SLC12A3: variants seen among roughly 807,000 people sequenced by gnomAD.
SLC12A3 encodes solute carrier family 12 member 3, also known as Na-Cl cotransporter.
SLC12A3 carries 104 observed loss-of-function variants against 121.0 expected under a neutral mutation model. That is an observed-to-expected ratio of 0.86 (90% confidence interval 0.73 to 1.01). SLC12A3 has a LOEUF of 1.01. Ranked by LOEUF, SLC12A3 falls within the 50% of genes least tolerant of loss-of-function variation. The pLI, the probability that SLC12A3 is intolerant of heterozygous loss-of-function variation, is 0.00. For synonymous variants in SLC12A3, 536 were observed against 533.4 expected (o/e 1.00, Z -0.07); for missense variants, 1,328 against 1,356.3 (o/e 0.98, Z 0.33).
In SLC12A3 at chr16:56,869,781, C is replaced by A. The variant is rs765350579; in HGVS notation, c.558C>A (p.Gly186=). ...CGGTCACGGTGACCTCCATCACAGG[C>A]CTCTCCATCTCAGCCATCTCCACCA... is the stretch of plus-strand genomic sequence containing the variant. ...LLSVTVTSIT[G]LSISAISTNG... is the part of the protein sequence containing the mutation. The change falls in exon 4 of 26, where the codon GGC becomes GGA. Residue 186 remains glycine, a synonymous_variant. Transcript: ENST00000563236. The A allele has an allele frequency of 3.1e-6, 5 of 1,614,146 alleles. No individual in the cohort carries two copies. In the East Asian group the frequency reaches 8.9e-5, roughly 29 times the overall value.
Position 56,911,305 on chromosome 16 carries a change from CCTTTTGTT to C in SLC12A3, c.2925-1958_2925-1951del, listed in dbSNP as rs1482402990. Among the ~76,000 whole-genome samples, 5 of 123,140 alleles carry C rather than the reference CCTTTTGTT, an allele frequency of 4.1e-5. No individual in the cohort carries two copies. In the South Asian group the frequency reaches 1.5e-3, roughly 37 times the overall value. 80.8% of individuals were successfully genotyped at this position (123,140 alleles called of 152,430 possible). A position where few individuals can be genotyped will look rare whatever the true frequency, so the allele number is the denominator to read the frequency against. On this transcript the variant is annotated intron_variant, in intron 25 of 25. Coordinates refer to ENST00000563236, the MANE Select transcript of SLC12A3 (RefSeq NM_001126108.2). ...AACCCACCTTCCCTAATTTTTGAGA[CCTTTTGTT>C]TGTTTGTTTGTTTGTTTGTTTGTTT... is the stretch of plus-strand genomic sequence containing the variant.
intron 12 of SLC12A3, among the ~76,000 whole-genome samples, chr16:56,881,818 G>A (rs1356353106): frequency 2.0e-5 from 3 of 152,060 alleles, no homozygotes; most frequent in Non-Finnish European, 4.4e-5. Flanking sequence ...GGAGGCCGAG[G>A]CAGGTGGATC....
rs746227456 is a variant in SLC12A3, at chr16:56,915,336, G to T, written c.*1931G>T. 1 of 152,226 alleles carries T rather than the reference G, an allele frequency of 6.6e-6. No homozygotes were observed. The highest frequency in any genetic ancestry group is 1.5e-5 in the Non-Finnish European group (1 of 68,040). 9.4% of individuals were successfully genotyped at this position (152,226 alleles called of 1,614,324 possible). On this transcript the variant is annotated 3_prime_UTR_variant, in exon 26 of 26. Transcript: ENST00000563236. ...TAAAGACTTCTAGAATTTAGAAGGA[G>T]ATCTGAAGTCTCCTTTCTGGAGTTA...
rs779473697 is a variant in SLC12A3 at position 56,904,457 on chromosome 16, C to T, written c.2919C>T (p.Ile973=). ...ATTACTCCCGAGACGCTGCTCTCATCGTCATGTAAGTAGTGCCCGGCTGGT... is the reference window on the plus strand; with the variant it reads ...ATTACTCCCGAGACGCTGCTCTCATTGTCATGTAAGTAGTGCCCGGCTGGT... ...VLDYSRDAAL[I]VITLPIGRKG... Residue 973 remains isoleucine, a synonymous_variant, in exon 25 of 26, where the codon ATC becomes ATT. Coordinates refer to ENST00000563236, the MANE Select transcript of SLC12A3 (RefSeq NM_001126108.2). 9.9e-6 allele frequency: 16 copies of T among 1,613,548 alleles called. No homozygotes were observed. The highest frequency in any genetic ancestry group is 1.3e-5 in the Non-Finnish European group (15 of 1,179,648).
chr16:56,898,086 T>C (rs2055489638), intron 22 of SLC12A3, among the ~76,000 whole-genome samples: 1 of 152,100 alleles, frequency 6.6e-6, no homozygotes, highest in Admixed American at 6.5e-5. Flanking sequence ...CTTCCCTCCT[T>C]TTGACTGTTC....
intron 25 of SLC12A3, among the ~76,000 whole-genome samples, chr16:56,909,228 G>A (rs1452293224): frequency 2.6e-5 from 4 of 151,730 alleles, no homozygotes; most frequent in Admixed American, 1.3e-4. Context: ...GGAGGCTGAG[G>A]CTGAAGGATT....
At chr16:56,906,729 G>T (rs773177946) in intron 25 of SLC12A3, 34 of 637,366 alleles carry the variant, frequency 5.3e-5, no homozygotes, top group Non-Finnish European at 8.4e-5. Flanking sequence ...TAATTTTGGT[G>T]GTGGCAAGAC....
At chr16:56,908,086 G>A (rs908166601) in intron 25 of SLC12A3, among the ~76,000 whole-genome samples, 1 of 146,930 alleles carries the variant, frequency 6.8e-6, no homozygotes, top group African/African-American at 2.5e-5. Flanking sequence ...CTCATGCCCC[G>A]ATGTCCCCAG....
intron 22 of SLC12A3, among the ~76,000 whole-genome samples, chr16:56,898,061 C>A (rs556623710): frequency 6.6e-6 from 1 of 152,202 alleles, no homozygotes. Context: ...GTTCCACCCC[C>A]CTGCACCCCG....
intron 22 of SLC12A3, among the ~76,000 whole-genome samples, chr16:56,898,734 A>G (rs1346196855): frequency 6.6e-6 from 1 of 152,174 alleles, no homozygotes; most frequent in Non-Finnish European, 1.5e-5. Flanking sequence ...TGTTAGATGC[A>G]AAGTCAGTGC....
At chr16:56,885,548 T>G (rs1461575633) in intron 15 of SLC12A3, among the ~76,000 whole-genome samples, 184 bp downstream of exon 15, 1 of 152,134 alleles carries the variant, frequency 6.6e-6, no homozygotes, top group East Asian at 1.9e-4. Flanking sequence ...GGACATATCC[T>G]GATGGGGACC....
In SLC12A3 at chr16:56,913,445, T is replaced by C. The variant is rs1007962194; in HGVS notation, c.*40T>C. The C allele has an allele frequency of 9.3e-6, 15 of 1,607,130 alleles. No homozygotes were observed. Among genetic ancestry groups the C allele is most frequent in the Non-Finnish European group, 1.2e-5 (14 of 1,173,560 alleles). The stretch of plus-strand genomic sequence containing the variant: ...ATCCCTGTCCACAGCTCTGAGTGTG[T>C]GGGATAAGTTGGAACTTGATTGCCT... On this transcript the variant is annotated 3_prime_UTR_variant, in exon 26 of 26. Coordinates refer to ENST00000563236, the MANE Select transcript of SLC12A3 (RefSeq NM_001126108.2).
intron 13 of SLC12A3, among the ~76,000 whole-genome samples, chr16:56,882,760 T>C (rs371844725): frequency 3.3e-5 from 5 of 151,976 alleles, no homozygotes; most frequent in Non-Finnish European, 7.4e-5. Flanking sequence ...CTGGCCAACA[T>C]GGTGAAACCC....
intron 4 of SLC12A3, 68 bp downstream of exon 4, chr16:56,869,892 A>G: frequency 4.8e-6 from 7 of 1,470,326 alleles, no homozygotes; most frequent in Non-Finnish European, 6.6e-6. Flanking sequence ...CAGGACTCCC[A>G]ACTTCCCCAA....
At position 56,893,031 on chromosome 16, in the gene SLC12A3, T is replaced by G; in HGVS notation, c.2498T>G (p.Ile833Ser). The G allele has an allele frequency of 6.2e-7, 1 of 1,614,116 alleles. No individual in the cohort carries two copies. The highest frequency in any genetic ancestry group is 8.5e-7 in the Non-Finnish European group (1 of 1,179,956). ...QSEQGKKTID[I>S]YWLFDDGGLT... is the part of the protein sequence containing the mutation. ...GAGCAGGGCAAGAAGACCATAGACA[T>G]CTACTGGCTCTTTGACGATGGAGGT... is the stretch of plus-strand genomic sequence containing the variant. Residue 833 changes from isoleucine to serine, a missense_variant, in exon 21 of 26, where the codon ATC (isoleucine) becomes AGC (serine). Transcript: ENST00000563236.
chr16:56,867,226 G>A lies in SLC12A3; in HGVS notation c.429+10G>A. On this transcript the variant is annotated intron_variant, in intron 2 of 25. Coordinates refer to ENST00000563236, the MANE Select transcript of SLC12A3 (RefSeq NM_001126108.2). Reference sequence around the variant, plus strand: ...GGTCAAGGGGGTGATGGTGAGTGGGGTGTGGGTGGTGCGTGATGTCCAGAA... The same window carrying A: ...GGTCAAGGGGGTGATGGTGAGTGGGATGTGGGTGGTGCGTGATGTCCAGAA... 2 of 1,602,000 alleles carry A rather than the reference G, an allele frequency of 1.2e-6. No individual in the cohort carries two copies. The highest frequency in any genetic ancestry group is 1.7e-4 in the Middle Eastern group (1 of 5,886).
chr16:56,888,077 C>A, intron 18 of SLC12A3, 46 bp downstream of exon 18: 1 of 1,428,504 alleles, frequency 7.0e-7, no homozygotes, highest in Non-Finnish European at 9.8e-7. Context: ...TAATTTGGGC[C>A]CATTGGGCCT....
In SLC12A3 at chr16:56,899,634, G is replaced by A. The variant is rs2055511755; in HGVS notation, c.2720+18G>A. The A allele has an allele frequency of 6.3e-7, 1 of 1,593,896 alleles. No homozygotes were observed. The highest frequency in any genetic ancestry group is 1.3e-5 in the African/African-American group (1 of 74,704). On this transcript the variant is annotated intron_variant, in intron 23 of 25. Coordinates refer to ENST00000563236, the MANE Select transcript of SLC12A3 (RefSeq NM_001126108.2). ...GCTGAGCAGTAAGTTCTGTTTTGGG[G>A]CTTCCAGGCAGAAGGGCCAACTGTG...
At chr16:56,881,846 C>T (rs1241289560) in intron 12 of SLC12A3, among the ~76,000 whole-genome samples, 17 of 151,852 alleles carry the variant, frequency 1.1e-4, no homozygotes, top group African/African-American at 3.9e-4. Context: ...GTCAGGAGTT[C>T]GAGACCAGCC....
Sources: allele counts gnomAD v4.1 joint callset (sites outside exome capture counted in the v4.1 genomes callset), GRCh38; gene constraint gnomAD v4.1.1; transcripts MANE v1.5; gene names NCBI Gene and HGNC (gene_info 2026-07-23, HGNC 2026-07-21).